Variants in NBPF12 observed in about 807,000 individuals in gnomAD.
The protein encoded by NBPF12 is NBPF member 12, also known as NBPF family member NBPF12.
A neutral mutation model predicts 146.4 loss-of-function variants in NBPF12; 115 were observed. The observed-to-expected ratio is 0.79, with a 90% CI of 0.68 to 0.92. The LOEUF (loss-of-function observed/expected upper bound fraction) is 0.92, where lower values mean the gene tolerates loss of function less well. Among genes scored for constraint, NBPF12 ranks in the 40% least tolerant of loss-of-function variants. NBPF12 has a pLI of 0.00. For missense variants in NBPF12, 1,205 were observed against 1,326.8 expected, an observed-to-expected ratio of 0.91 and a Z score of 1.43; for synonymous variants, 385 against 508.9, an observed-to-expected ratio of 0.76 and a Z score of 3.28.
At position 146,994,360 on chromosome 1, in the gene NBPF12, G is replaced by T; in HGVS notation, c.4159G>T (p.Glu1387Ter). ...CAACAGCGTGCTGATGGAAGTGGAA[G>T]AGCCTGAAGTCTTGCAGGACTCACT... The change falls in exon 34 of 34, where the codon GAG (glutamate) becomes TAG (stop). Residue 1387 changes from glutamate to a stop codon, truncating the protein, a stop_gained. Coordinates refer to ENST00000617844, the Ensembl canonical transcript of NBPF12. LOFTEE classifies it high-confidence loss of function. 1 of 1,612,158 alleles carries T rather than the reference G, an allele frequency of 6.2e-7. No homozygotes were observed. The highest frequency in any genetic ancestry group is 8.5e-7 in the Non-Finnish European group (1 of 1,179,826).
chr1:146,960,207 G>A (rs1379922932), exon 4 of NBPF12: 25 of 912,000 alleles, frequency 2.7e-5, no homozygotes, highest in Admixed American at 2.0e-4. Flanking sequence ...AGAAATCAAC[G>A]AGAAATTGCG....
At position 146,968,431 on chromosome 1, in the gene NBPF12, TG is replaced by T; in HGVS notation, c.989-16del. ...GTCCAGCCTTCCACTGATGCAGGCG[TG>T]TCTGTCTTTTCTCAGAATATGAAGA... On this transcript the variant is annotated splice_polypyrimidine_tract_variant and intron_variant, in intron 9 of 33. Coordinates refer to ENST00000617844, the Ensembl canonical transcript of NBPF12. 6.3e-7 allele frequency: 1 copy of T among 1,581,332 alleles called. No homozygotes were observed. The highest frequency in any genetic ancestry group is 1.3e-5 in the African/African-American group (1 of 74,088).
rs1318134002 is a variant in NBPF12 at position 146,957,942 on chromosome 1, GTATA to G, written c.-183-1911_-183-1908del. On this transcript the variant is annotated intron_variant, in intron 2 of 33. Coordinates refer to ENST00000617844, the Ensembl canonical transcript of NBPF12. ...ACGTATATAATATATATTCGTGTGT[GTATA>G]TATATTTTATATATACGTGTATACA... Among the ~76,000 whole-genome samples, 34 of 114,646 alleles carry G rather than the reference GTATA, an allele frequency of 3.0e-4. 6 individuals are homozygous for G. Among genetic ancestry groups the G allele is most frequent in the Non-Finnish European group, 5.7e-4 (31 of 54,156 alleles). The allele number at this position is 114,646 out of a possible 152,430, so 75.2% of individuals were successfully genotyped here. A position where few individuals can be genotyped will look rare whatever the true frequency, so the allele number is the denominator to read the frequency against.
chr1:146,955,013 T>TGTATAC (rs1655520033), intron 2 of NBPF12, among the ~76,000 whole-genome samples: 4 of 67,502 alleles, frequency 5.9e-5, no homozygotes, highest in Non-Finnish European at 1.1e-4. Flanking sequence ...TATATATATA[T>TGTATAC]ACACACACAC....
chr1:146,969,630 C>T lies in NBPF12; in HGVS notation c.1306+34C>T, dbSNP rs1352413057. The T allele has an allele frequency of 2.7e-4, 440 of 1,602,152 alleles. 11 individuals are homozygous for T. The African/African-American group carries it at 4.9e-3, about 18-fold the overall frequency. ...GCCACAGGCCCTGATGACCCAAAAC[C>T]CCAGGCTTATGAGAGGCTCCAGACC... On this transcript the variant is annotated intron_variant, in intron 11 of 33. Transcript: ENST00000617844.
intron 11 of NBPF12, among the ~76,000 whole-genome samples, chr1:146,970,021 A>C (rs1307443475): frequency 6.7e-6 from 1 of 149,264 alleles, no homozygotes; most frequent in East Asian, 2.0e-4. Context: ...AAGGCAGACA[A>C]ATTGTCTCTT....
chr1:146,982,338 G>C (rs1383207743), intron 19 of NBPF12, among the ~76,000 whole-genome samples: 47 of 148,686 alleles, frequency 3.2e-4, no homozygotes, highest in African/African-American at 1.1e-3. Context: ...GTTGGAGTTT[G>C]CTGGAAGTCC....
intron 13 of NBPF12, among the ~76,000 whole-genome samples, chr1:146,971,920 AT>A (rs1656650557): frequency 3.0e-4 from 16 of 53,676 alleles, no homozygotes; most frequent in African/African-American, 1.5e-3. Context: ...TTTACTAAAA[AT>A]ACAAAAAAAA....
intron 7 of NBPF12, 105 bp from the exon 11 acceptor site, chr1:146,964,788 G>A: frequency 6.3e-7 from 1 of 1,586,084 alleles, no homozygotes; most frequent in Non-Finnish European, 8.6e-7. Flanking sequence ...TTTGCTTTCT[G>A]GGACCACTCT....
chr1:146,962,255 G>A (rs1301406259), exon 5 of NBPF12: 34 of 1,604,518 alleles, frequency 2.1e-5, no homozygotes, highest in Non-Finnish European at 2.6e-5. Flanking sequence ...AACAAGCTGA[G>A]GAGCTCAGGT....
chr1:146,945,175 T>C (rs1481725521), upstream of NBPF12, among the ~76,000 whole-genome samples: 1 of 151,306 alleles, frequency 6.6e-6, no homozygotes, highest in African/African-American at 2.4e-5. Flanking sequence ...TTTCTTTCCT[T>C]TTTGTTCTAC....
At chr1:146,966,650 T>A in exon 9 of NBPF12, 1 of 1,464,646 alleles carries the variant, frequency 6.8e-7, no homozygotes, top group Non-Finnish European at 9.6e-7. Flanking sequence ...GCCGGCTTCC[T>A]GGCCAAGCAG....
intron 8 of NBPF12, 66 bp downstream of exon 11, chr1:146,965,170 G>A (rs1227024890): frequency 3.3e-6 from 3 of 910,828 alleles, no homozygotes; most frequent in Non-Finnish European, 5.5e-6. Flanking sequence ...TCTGAGGACA[G>A]GCTGTATATA....
intron 19 of NBPF12, among the ~76,000 whole-genome samples, chr1:146,979,940 G>A (rs1214142787): frequency 1.9e-5 from 2 of 102,692 alleles, no homozygotes; most frequent in East Asian, 5.5e-4. Context: ...TGATGATTGT[G>A]TGGAGTCTAA....
chr1:146,965,077 T>C (rs1656102313), exon 8 of NBPF12: 31 of 1,601,850 alleles, frequency 1.9e-5, no homozygotes, highest in Non-Finnish European at 2.6e-5. Flanking sequence ...TCATGATGAA[T>C]GTCAGGATGC....
chr1:146,943,764 G>A (rs4788795), intron 2 of NBPF12, among the ~76,000 whole-genome samples: 22,409 of 151,654 alleles, frequency 0.15, 2,041 homozygotes, highest in Admixed American at 0.27. Context: ...TGCCATGGTC[G>A]GGTGAAAGTG....
At chr1:146,984,310 T>A in intron 21 of NBPF12, 125 bp downstream of exon 24, 2 of 767,192 alleles carry the variant, frequency 2.6e-6, no homozygotes, top group South Asian at 1.4e-5. Context: ...TTATGCCTAC[T>A]GCATTGTTTT....
At chr1:146,960,901 A>G in intron 4 of NBPF12, among the ~76,000 whole-genome samples, 1 of 152,124 alleles carries the variant, frequency 6.6e-6, no homozygotes, top group Non-Finnish European at 1.5e-5. Flanking sequence ...TAATCTCAGC[A>G]CTTTGGGAGG....
chr1:146,970,690 T>A (rs1482967944), exon 12 of NBPF12: 1 of 1,421,234 alleles, frequency 7.0e-7, no homozygotes, highest in African/African-American at 1.4e-5. Context: ...TTGAGGAGGA[T>A]GAGAAAGTGC....
Sources: allele counts gnomAD v4.1 joint callset (sites outside exome capture counted in the v4.1 genomes callset), GRCh38; gene constraint gnomAD v4.1.1; transcripts MANE v1.5; gene names NCBI Gene and HGNC (gene_info 2026-07-23, HGNC 2026-07-21).